Variants in LOXL2 observed in about 807,000 individuals in gnomAD.
LOXL2 encodes the protein lysyl oxidase like 2, also known as lysyl oxidase homolog 2.
Under a neutral mutation model 93.0 loss-of-function variants are expected in LOXL2, and 70 were observed. The ratio of observed to expected loss-of-function variants is 0.75; its 90% CI spans 0.62 to 0.92. LOXL2 has a LOEUF of 0.92. Among genes scored for constraint, LOXL2 ranks in the 40% least tolerant of loss-of-function variants. The pLI, the probability that LOXL2 is intolerant of heterozygous loss-of-function variation, is 0.00. For synonymous variants in LOXL2, 438 were observed against 413.2 expected (o/e 1.06, Z -0.73); for missense variants, 973 against 1,054.9 (o/e 0.92, Z 1.08).
At chr8:23,352,010 G>A (rs1457001356) in intron 3 of LOXL2, among the ~76,000 whole-genome samples, 2 of 151,986 alleles carry the variant, frequency 1.3e-5, no homozygotes, top group Admixed American at 6.6e-5. Flanking sequence ...TGGGGGTCTC[G>A]TCACGTTGGC....
chr8:23,307,932 C>G (rs1803255286), intron 10 of LOXL2, among the ~76,000 whole-genome samples: 1 of 108,234 alleles, frequency 9.2e-6, no homozygotes, highest in South Asian at 3.3e-4. Context: ...TTGAATGTGA[C>G]TAGGTCATCA....
intron 1 of LOXL2, among the ~76,000 whole-genome samples, chr8:23,383,127 C>T (rs931098496): frequency 6.6e-6 from 1 of 152,268 alleles, no homozygotes; most frequent in Admixed American, 6.5e-5. Context: ...GTGGCCTTCC[C>T]GTCTTCCATC....
At chr8:23,385,203 T>C (rs1438128977) in intron 1 of LOXL2, among the ~76,000 whole-genome samples, 2 of 152,022 alleles carry the variant, frequency 1.3e-5, no homozygotes, top group Non-Finnish European at 2.9e-5. Context: ...GGGCTGGTGT[T>C]GAAGGTGGGC....
intron 1 of LOXL2, among the ~76,000 whole-genome samples, chr8:23,377,062 C>G (rs1804606441): frequency 6.6e-6 from 1 of 152,160 alleles, no homozygotes; most frequent in Non-Finnish European, 1.5e-5. Context: ...TTCCTGCTTT[C>G]TCTTGTGGGC....
chr8:23,354,955 T>A (rs1477800428), intron 3 of LOXL2, among the ~76,000 whole-genome samples: 4,810 of 42,762 alleles, frequency 0.11, 179 homozygotes, highest in African/African-American at 0.23. Flanking sequence ...ATATATTTTT[T>A]TTTTTTTTTT....
At position 23,302,179 on chromosome 8, in the gene LOXL2, A is replaced by C; in HGVS notation, c.1997-16T>G. ...TTCTGGATGTCTGCGGGCAGGGTAG[A>C]GGAGAGCTCATCACCAGGGAACCAT... On this transcript the variant is annotated splice_polypyrimidine_tract_variant and intron_variant, in intron 11 of 13. Transcript: ENST00000389131. 1 of 1,613,432 alleles carries C rather than the reference A, an allele frequency of 6.2e-7. No homozygotes were observed. The highest frequency in any genetic ancestry group is 8.5e-7 in the Non-Finnish European group (1 of 1,179,416).
At chr8:23,350,553 A>G (rs1304480201) in intron 3 of LOXL2, among the ~76,000 whole-genome samples, 1 of 152,212 alleles carries the variant, frequency 6.6e-6, no homozygotes, top group African/African-American at 2.4e-5. Flanking sequence ...CTGGGCAACA[A>G]GAGCGAAACT....
chr8:23,373,304 G>A lies in LOXL2; in HGVS notation c.-83-4870C>T, dbSNP rs570952286. Among the ~76,000 whole-genome samples the A allele has an allele frequency of 5.9e-5, 9 of 152,278 alleles. No individual in the cohort carries two copies. The South Asian group carries it at 1.9e-3, about 32-fold the overall frequency. ...ATGGTCTGAACTACCTGAGCCAGCGGAGGGGGGGCCTAACTTTGAATTCAG... is the reference window on the plus strand; with the variant it reads ...ATGGTCTGAACTACCTGAGCCAGCGAAGGGGGGGCCTAACTTTGAATTCAG... On this transcript the variant is annotated intron_variant, in intron 1 of 13. Coordinates refer to ENST00000389131, the MANE Select transcript of LOXL2 (RefSeq NM_002318.3).
chr8:23,387,989 A>C (rs1193496481), intron 1 of LOXL2, among the ~76,000 whole-genome samples: 1 of 152,122 alleles, frequency 6.6e-6, no homozygotes, highest in Admixed American at 6.5e-5. Context: ...GAAAAATATG[A>C]AACATCTTTT....
At chr8:23,384,174 C>A (rs907677892) in intron 1 of LOXL2, among the ~76,000 whole-genome samples, 5 of 152,098 alleles carry the variant, frequency 3.3e-5, no homozygotes, top group Admixed American at 2.6e-4. Flanking sequence ...AAAATCTCAC[C>A]CTAGCAGATA....
At position 23,303,379 on chromosome 8, in the gene LOXL2, C is replaced by T. The variant is rs1387711675; in HGVS notation, c.1899G>A (p.Glu633=). ...HDCHRHYHSM[E]VFTHYDLLNL... ...TCAGCAGGTCATAGTGGGTGAACAC[C>T]TCCATGCTGTGGTAGTGCCTGGAGC... Residue 633 remains glutamate, a synonymous_variant, in exon 11 of 14, where the codon GAG becomes GAA. Coordinates refer to ENST00000389131, the MANE Select transcript of LOXL2 (RefSeq NM_002318.3). 3 of 1,610,932 alleles carry T rather than the reference C, an allele frequency of 1.9e-6. No homozygotes were observed. The highest frequency in any genetic ancestry group is 1.3e-5 in the African/African-American group (1 of 74,816).
chr8:23,299,482 T>G (rs1294301396), intron 12 of LOXL2, among the ~76,000 whole-genome samples: 1 of 152,134 alleles, frequency 6.6e-6, no homozygotes, highest in Non-Finnish European at 1.5e-5. Flanking sequence ...GGCCTGGCTC[T>G]GGGGCTGCTG....
chr8:23,324,093 G>T (rs1199658811), intron 6 of LOXL2, among the ~76,000 whole-genome samples: 3 of 152,220 alleles, frequency 2.0e-5, no homozygotes, highest in Non-Finnish European at 4.4e-5. Context: ...CCAGGATCCA[G>T]GCTGAAAAGC....
Position 23,360,071 on chromosome 8 carries a change from T to G in LOXL2, c.531+19A>C, listed in dbSNP as rs760707749. The G allele has an allele frequency of 5.0e-6, 8 of 1,587,342 alleles. No individual in the cohort carries two copies. Among genetic ancestry groups the G allele is most frequent in the Non-Finnish European group, 6.0e-6 (7 of 1,157,840 alleles). ...GAAAAATGTTTGCATGAAGGAAACA[T>G]CAAGAGCACATGACTTGCCTCTATC... is the stretch of plus-strand genomic sequence containing the variant. On this transcript the variant is annotated intron_variant, in intron 3 of 13. Coordinates refer to ENST00000389131, the MANE Select transcript of LOXL2 (RefSeq NM_002318.3).
intron 4 of LOXL2, among the ~76,000 whole-genome samples, chr8:23,338,166 G>T (rs1803825300): frequency 6.6e-6 from 1 of 152,192 alleles, no homozygotes; most frequent in Non-Finnish European, 1.5e-5. Context: ...ACTATCATGA[G>T]AACAGCATGG....
chr8:23,351,367 G>GCTT (rs1804091580), intron 3 of LOXL2, among the ~76,000 whole-genome samples: 1 of 152,128 alleles, frequency 6.6e-6, no homozygotes, highest in South Asian at 2.1e-4. Flanking sequence ...GCAGGGAGAG[G>GCTT]CTTCCTCCAG....
chr8:23,315,882 G>C (rs775482403), intron 9 of LOXL2, among the ~76,000 whole-genome samples: 3 of 152,166 alleles, frequency 2.0e-5, no homozygotes, highest in Non-Finnish European at 2.9e-5. Flanking sequence ...GAAAAGATGG[G>C]ATATTGCAAA....
chr8:23,342,759 A>G (rs181466320), intron 3 of LOXL2, among the ~76,000 whole-genome samples: 1 of 147,986 alleles, frequency 6.8e-6, no homozygotes, highest in African/African-American at 2.5e-5. Flanking sequence ...ATTAATTTTT[A>G]TTCTTTTTTG....
chr8:23,375,059 T>C (rs1239231761), intron 1 of LOXL2, among the ~76,000 whole-genome samples: 1 of 152,210 alleles, frequency 6.6e-6, no homozygotes, highest in Non-Finnish European at 1.5e-5. Flanking sequence ...GGTTTTCTTC[T>C]AGGGTTTTTA....
Sources: gnomAD v4.1 joint callset for allele counts (sites outside exome capture counted in the v4.1 genomes callset) on GRCh38, gnomAD v4.1.1 for gene constraint, MANE v1.5 for transcripts, NCBI Gene and HGNC (gene_info 2026-07-23, HGNC 2026-07-21) for gene names.